Variants in MICAL2 observed in about 807,000 individuals in gnomAD.
MICAL2 encodes [F-actin]-monooxygenase MICAL2.
MICAL2 carries 77 observed loss-of-function variants against 127.3 expected under a neutral mutation model. The observed-to-expected ratio is 0.60, with a 90% CI of 0.50 to 0.73. MICAL2 has a LOEUF of 0.73. Among genes scored for constraint, MICAL2 ranks in the 30% least tolerant of loss-of-function variants. MICAL2 has a pLI of 0.00. For synonymous variants in MICAL2, 570 were observed against 551.1 expected, an observed-to-expected ratio of 1.03 and a Z score of -0.48; for missense variants, 1,351 against 1,434.4, an observed-to-expected ratio of 0.94 and a Z score of 0.94.
intron 32 of MICAL2, among the ~76,000 whole-genome samples, chr11:12,330,857 G>GAGAGAGAGAGAGAGAGA (rs1565307326): frequency 7.5e-6 from 1 of 132,528 alleles, no homozygotes; most frequent in African/African-American, 2.7e-5. Context: ...GACAGAGAGA[G>GAGAGAGAGAGAGAGAGA]GGGTAGAGAG....
intron 26 of MICAL2, chr11:12,260,196 C>T: frequency 6.8e-7 from 1 of 1,476,884 alleles, no homozygotes; most frequent in Non-Finnish European, 9.0e-7. Flanking sequence ...CCCAAAGTGC[C>T]TTCACATTTC....
chr11:12,342,835 C>A (rs762329176), intron 32 of MICAL2, among the ~76,000 whole-genome samples: 1 of 152,184 alleles, frequency 6.6e-6, no homozygotes, highest in Non-Finnish European at 1.5e-5. Flanking sequence ...GACTTCAAAG[C>A]CCATGCTTCT....
rs200617109 is a variant in MICAL2 at position 12,176,016 on chromosome 11, CTG to C, written c.264+13600_264+13601del. On this transcript the variant is annotated intron_variant, in intron 3 of 27. Coordinates refer to ENST00000683283, the MANE Select transcript of MICAL2 (RefSeq NM_001282663.2). Reference sequence around the variant, plus strand: ...TGACATGACTTCCTCAGGTAAGGAACTGTGAAATCTTGGGGATGAAAAACGTA... The same window carrying C: ...TGACATGACTTCCTCAGGTAAGGAACTGAAATCTTGGGGATGAAAAACGTA... Among the ~76,000 whole-genome samples the C allele has an allele frequency of 5.3e-3, 803 of 152,270 alleles. 12 individuals carry two copies. The highest frequency in any genetic ancestry group is 0.017 in the Middle Eastern group (5 of 294).
chr11:12,335,635 G>T (rs868260570), intron 32 of MICAL2, among the ~76,000 whole-genome samples: 1 of 152,160 alleles, frequency 6.6e-6, no homozygotes, highest in African/African-American at 2.4e-5. Context: ...TTTGTATAAG[G>T]TGTAAGGAAG....
At chr11:12,224,500 C>T in intron 12 of MICAL2, 173 bp from the exon 13 acceptor site, 1 of 720,158 alleles carries the variant, frequency 1.4e-6, no homozygotes, top group South Asian at 1.9e-5. Flanking sequence ...GACCAGGCCC[C>T]CAAGCAGCAG....
chr11:12,204,224 GTC>G, intron 3 of MICAL2, 24 bp from the exon 4 acceptor site: 7 of 1,606,232 alleles, frequency 4.4e-6, no homozygotes, highest in Non-Finnish European at 5.1e-6. Flanking sequence ...GTTACCAAGA[GTC>G]TCTCTCCTCT....
chr11:12,226,038 C>G (rs373418201), intron 13 of MICAL2, 133 bp from the exon 14 acceptor site: 1 of 802,790 alleles, frequency 1.2e-6, no homozygotes, highest in South Asian at 1.6e-5. Context: ...GCTGGGGTCA[C>G]TATTCCTCCC....
chr11:12,349,547 CA>C (rs1323627525), intron 32 of MICAL2, among the ~76,000 whole-genome samples: 2 of 152,078 alleles, frequency 1.3e-5, no homozygotes, highest in African/African-American at 4.8e-5. Flanking sequence ...TACGAGTAGG[CA>C]GGGGGAGGGT....
At chr11:12,337,555 A>G (rs1417360640) in intron 32 of MICAL2, among the ~76,000 whole-genome samples, 1 of 151,830 alleles carries the variant, frequency 6.6e-6, no homozygotes, top group Non-Finnish European at 1.5e-5. Context: ...TAGGGTGTCA[A>G]TTTTAGATCT....
downstream of MICAL2, among the ~76,000 whole-genome samples, chr11:12,289,143 G>C (rs913701408): frequency 3.3e-5 from 5 of 152,364 alleles, no homozygotes; most frequent in African/African-American, 9.6e-5. Context: ...GCTGCTGCCA[G>C]AGGGCCCAGA....
chr11:12,155,377 G>T (rs184190772), intron 2 of MICAL2, among the ~76,000 whole-genome samples: 2 of 151,812 alleles, frequency 1.3e-5, no homozygotes, highest in African/African-American at 4.8e-5. Flanking sequence ...GTGTATTTGC[G>T]CACACATGAA....
chr11:12,251,063 G>A (rs1861465385), intron 22 of MICAL2, among the ~76,000 whole-genome samples: 1 of 152,110 alleles, frequency 6.6e-6, no homozygotes, highest in South Asian at 2.1e-4. Context: ...ATTATAGCAA[G>A]TGAGAGAGAG....
At chr11:12,279,994 T>G (rs1339042730) in intron 1 of MICAL2, among the ~76,000 whole-genome samples, 1 of 152,216 alleles carries the variant, frequency 6.6e-6, no homozygotes, top group South Asian at 2.1e-4. Flanking sequence ...TGTGTGGATA[T>G]ATATAGTTTC....
At chr11:12,229,433 C>A (rs76127130) in intron 15 of MICAL2, among the ~76,000 whole-genome samples, 1 of 152,322 alleles carries the variant, frequency 6.6e-6, no homozygotes, top group Non-Finnish European at 1.5e-5. Context: ...TTCTGGGTAC[C>A]AGCGGTCAGC....
intron 1 of MICAL2, among the ~76,000 whole-genome samples, chr11:12,118,580 T>G (rs1850238353): frequency 6.6e-6 from 1 of 152,128 alleles, no homozygotes; most frequent in Admixed American, 6.5e-5. Context: ...CCTTTAGGAG[T>G]CCCCTTGTGT....
At chr11:12,260,096 T>C (rs968086571) in intron 26 of MICAL2, 199 bp downstream of exon 26, 18 of 1,536,486 alleles carry the variant, frequency 1.2e-5, no homozygotes, top group South Asian at 5.9e-5. Context: ...CTGGCAGCCA[T>C]GTACAGGGAA....
At chr11:12,212,190 G>A (rs1483922832) in intron 6 of MICAL2, among the ~76,000 whole-genome samples, 1 of 152,194 alleles carries the variant, frequency 6.6e-6, no homozygotes, top group Non-Finnish European at 1.5e-5. Flanking sequence ...CGTTTACCCT[G>A]CACCAGCTGC....
chr11:12,280,791 C>T (rs940426369), intron 1 of MICAL2: 26 of 396,832 alleles, frequency 6.6e-5, no homozygotes, highest in Non-Finnish European at 8.4e-5. Context: ...TAACAAAGTC[C>T]GAAGCTGGGC....
chr11:12,221,732 C>G lies in MICAL2; in HGVS notation c.1295C>G (p.Thr432Ser). The G allele has an allele frequency of 6.2e-7, 1 of 1,613,472 alleles. No homozygotes were observed. Among genetic ancestry groups the G allele is most frequent in the Non-Finnish European group, 8.5e-7 (1 of 1,179,706 alleles). Residue 432 changes from threonine to serine, a missense_variant, in exon 10 of 28, where the codon ACC becomes AGC. Transcript: ENST00000683283. ...AWMVKSWNQG[T>S]PPLELLAERE... ...ATGGTGAAGAGCTGGAACCAGGGCA[C>G]CCCTCCCCTGGAGCTGCTGGCTGAA...
Sources: gnomAD v4.1 joint callset for allele counts (sites outside exome capture counted in the v4.1 genomes callset) on GRCh38, gnomAD v4.1.1 for gene constraint, MANE v1.5 for transcripts, NCBI Gene and HGNC (gene_info 2026-07-23, HGNC 2026-07-21) for gene names.